Variants in ABLIM1 observed in about 807,000 individuals in gnomAD.
ABLIM1 encodes actin binding LIM protein 1.
In ABLIM1, 40 loss-of-function variants were observed where a neutral mutation model predicts 107.0. That is an observed-to-expected ratio of 0.37 (90% confidence interval 0.29 to 0.49). The LOEUF (loss-of-function observed/expected upper bound fraction) is 0.49, where lower values mean the gene tolerates loss of function less well. ABLIM1 is among the 20% of genes least tolerant of loss of function. The pLI is 0.97. For synonymous variants in ABLIM1, 357 were observed against 357.3 expected (o/e 1.00, Z 0.01); for missense variants, 857 against 1,008.5 (o/e 0.85, Z 2.04).
At chr10:114,701,542 A>C (rs189530619) in intron 1 of ABLIM1, among the ~76,000 whole-genome samples, 3 of 152,304 alleles carry the variant, frequency 2.0e-5, no homozygotes, top group Admixed American at 2.0e-4. Context: ...ATGGATAATC[A>C]AATTGTGATA....
At chr10:114,469,567 C>G (rs1244939666) in intron 10 of ABLIM1, among the ~76,000 whole-genome samples, 1 of 152,236 alleles carries the variant, frequency 6.6e-6, no homozygotes, top group East Asian at 1.9e-4. Flanking sequence ...ACCATTCTGT[C>G]CAGAGGAGCA....
intron 1 of ABLIM1, among the ~76,000 whole-genome samples, chr10:114,606,519 G>C (rs890618745): frequency 3.3e-5 from 5 of 152,030 alleles, no homozygotes; most frequent in South Asian, 2.1e-4. Flanking sequence ...CAGGCGTAAG[G>C]CACCGCACCC....
rs1334983770 is a variant in ABLIM1 at position 114,718,037 on chromosome 10, G to GAA, written c.-213+50023_-213+50024insTT. On this transcript the variant is annotated intron_variant, in intron 1 of 15. Transcript: ENST00000651092. ...AAGGAAGGAAGGAAGGAAGGAGAAA[G>GAA]AGAAAGAGAAAGAAAGAAAGAAAGA... Among the ~76,000 whole-genome samples the GAA allele has an allele frequency of 9.5e-4, 96 of 101,386 alleles. 1 individual carries two copies. The highest frequency in any genetic ancestry group is 1.5e-3 in the Non-Finnish European group (75 of 50,390). 66.5% of individuals were successfully genotyped at this position (101,386 alleles called of 152,430 possible).
intron 8 of ABLIM1, among the ~76,000 whole-genome samples, chr10:114,475,127 C>T (rs1302051042): frequency 6.6e-6 from 1 of 152,130 alleles, no homozygotes; most frequent in Non-Finnish European, 1.5e-5. Context: ...ACAACCAGGG[C>T]CTCAGGATTC....
chr10:114,467,911 T>A (rs2065531544), intron 11 of ABLIM1, among the ~76,000 whole-genome samples: 1 of 152,204 alleles, frequency 6.6e-6, no homozygotes. Flanking sequence ...TGACTTATGT[T>A]CCTGCAGACA....
intron 6 of ABLIM1, among the ~76,000 whole-genome samples, chr10:114,507,948 T>A (rs2061376338): frequency 6.6e-6 from 1 of 152,176 alleles, no homozygotes; most frequent in Non-Finnish European, 1.5e-5. Context: ...TAGTCTAAGT[T>A]AGCTGGTTCC....
chr10:114,608,816 A>G lies in ABLIM1; in HGVS notation c.245-6855T>C, dbSNP rs559121114. Among the ~76,000 whole-genome samples, 17 of 152,118 alleles carry G rather than the reference A, an allele frequency of 1.1e-4. No individual in the cohort carries two copies. In the South Asian group the frequency reaches 3.3e-3, roughly 30 times the overall value. ...GATCAACTGAGGTCAGGAGTTCCAG[A>G]CAAGCCTGGTCAACATGGCAAAACC... On this transcript the variant is annotated intron_variant, in intron 1 of 22. Coordinates refer to ENST00000533213, the MANE Select transcript of ABLIM1 (RefSeq NM_002313.7).
At chr10:114,790,911 T>C in the ABLIM1 span, among the ~76,000 whole-genome samples, 1 of 152,180 alleles carries the variant, frequency 6.6e-6, no homozygotes, top group Non-Finnish European at 1.5e-5. Flanking sequence ...AAATTGTAAT[T>C]AAAATTACAT....
chr10:114,434,881 C>G lies in ABLIM1; in HGVS notation c.*1379G>C, dbSNP rs966484706. On this transcript the variant is annotated 3_prime_UTR_variant, in exon 23 of 23. Coordinates refer to ENST00000533213, the MANE Select transcript of ABLIM1 (RefSeq NM_002313.7). ...TCATCCTTCCTCTGTGGTTCCCAGTCTGATCCTTCCATGAGCTACATCAGC... is the reference window on the plus strand; with the variant it reads ...TCATCCTTCCTCTGTGGTTCCCAGTGTGATCCTTCCATGAGCTACATCAGC... The G allele has an allele frequency of 1.3e-5, 2 of 152,224 alleles. No homozygotes were observed. The highest frequency in any genetic ancestry group is 4.8e-5 in the African/African-American group (2 of 41,454). The allele number at this position is 152,224 out of a possible 1,614,324, so 9.4% of individuals were successfully genotyped here.
At chr10:114,507,398 T>C (rs2061306394) in intron 6 of ABLIM1, among the ~76,000 whole-genome samples, 1 of 152,192 alleles carries the variant, frequency 6.6e-6, no homozygotes, top group African/African-American at 2.4e-5. Flanking sequence ...CCCCCAGGCT[T>C]GGCAATGCCC....
At chr10:114,623,238 C>T (rs2077578416) in intron 1 of ABLIM1, among the ~76,000 whole-genome samples, 1 of 152,218 alleles carries the variant, frequency 6.6e-6, no homozygotes, top group Admixed American at 6.5e-5. Context: ...GCAGAATATG[C>T]ACACCTGTGC....
At chr10:114,472,922 T>G in intron 10 of ABLIM1, 55 bp downstream of exon 10, 1 of 1,455,078 alleles carries the variant, frequency 6.9e-7, no homozygotes, top group African/African-American at 1.4e-5. Context: ...ATTACAAATG[T>G]GACAAAAGGG....
chr10:114,567,799 C>T (rs1355967805), intron 4 of ABLIM1, among the ~76,000 whole-genome samples: 2 of 152,198 alleles, frequency 1.3e-5, no homozygotes, highest in East Asian at 3.9e-4. Flanking sequence ...CATTTCTGAA[C>T]AGGATATTTC....
intron 1 of ABLIM1, among the ~76,000 whole-genome samples, chr10:114,743,918 G>A (rs2082333313): frequency 6.6e-6 from 1 of 152,164 alleles, no homozygotes; most frequent in African/African-American, 2.4e-5. Context: ...AAAACATAAA[G>A]CACACGTAGG....
intron 1 of ABLIM1, among the ~76,000 whole-genome samples, chr10:114,675,667 T>C (rs1478669423): frequency 6.6e-6 from 1 of 152,238 alleles, no homozygotes; most frequent in Non-Finnish European, 1.5e-5. Context: ...ACCAGGACCT[T>C]ATGCATTAGC....
intron 1 of ABLIM1, among the ~76,000 whole-genome samples, chr10:114,667,031 C>A (rs193018868): frequency 6.6e-6 from 1 of 152,256 alleles, no homozygotes; most frequent in South Asian, 2.1e-4. Flanking sequence ...CACGTCTCCA[C>A]CCTCCAGCAA....
At chr10:114,793,576 G>A in the ABLIM1 span, among the ~76,000 whole-genome samples, 1 of 152,184 alleles carries the variant, frequency 6.6e-6, no homozygotes, top group African/African-American at 2.4e-5. Context: ...ATAATTGACA[G>A]TGGCCCCAGC....
intron 22 of ABLIM1, among the ~76,000 whole-genome samples, chr10:114,437,386 T>A (rs2059575176): frequency 6.6e-6 from 1 of 151,682 alleles, no homozygotes; most frequent in African/African-American, 2.4e-5. Context: ...TGGTGTGATC[T>A]TGGCTCATTG....
At chr10:114,661,268 T>C (rs1031013843), upstream of ABLIM1, among the ~76,000 whole-genome samples, 1 of 152,092 alleles carries the variant, frequency 6.6e-6, no homozygotes, top group African/African-American at 2.4e-5. Flanking sequence ...GAACTACATA[T>C]AAATGTGAGG....
Sources: allele counts gnomAD v4.1 joint callset (sites outside exome capture counted in the v4.1 genomes callset), GRCh38; gene constraint gnomAD v4.1.1; transcripts MANE v1.5; gene names NCBI Gene and HGNC (gene_info 2026-07-23, HGNC 2026-07-21).